Variants in RHOQ observed in about 807,000 individuals in gnomAD.
RHOQ encodes rho-related GTP-binding protein RhoQ.
Under a neutral mutation model 25.8 loss-of-function variants are expected in RHOQ, and 7 were observed. The observed-to-expected ratio is 0.27, with a 90% CI of 0.15 to 0.51. RHOQ has a LOEUF of 0.51. Among genes scored for constraint, RHOQ ranks in the 20% least tolerant of loss-of-function variants. The pLI is 0.97. For missense variants in RHOQ, 165 were observed against 260.6 expected (o/e 0.63, Z 2.53); for synonymous variants, 97 against 98.6 (o/e 0.98, Z 0.10).
chr2:46,543,658 TG>T, intron 1 of RHOQ, 95 bp from the exon 2 acceptor site: 2 of 1,077,342 alleles, frequency 1.9e-6, no homozygotes, highest in Non-Finnish European at 1.4e-6. Context: ...CGCCTCTAGC[TG>T]GGTTGGGAGA....
chr2:46,573,127 A>G (rs1473564131), intron 2 of RHOQ, among the ~76,000 whole-genome samples: 2 of 151,504 alleles, frequency 1.3e-5, no homozygotes, highest in African/African-American at 4.9e-5. Flanking sequence ...GCAGTGGTAC[A>G]ATCTCTGCTC....
Position 46,552,977 on chromosome 2 carries a change from C to T in RHOQ, c.201+9165C>T, listed in dbSNP as rs116261561. ...AAAGTGATCAGTTTGGATTCTTACA[C>T]GTACTAGATGCTCAGCGAGGCCTTG... is the stretch of plus-strand genomic sequence containing the variant. On this transcript the variant is annotated intron_variant, in intron 2 of 4. Transcript: ENST00000238738. The surrounding 1 kb of genome is among the most constrained non-coding windows in gnomAD (Gnocchi z 5.0). 9.9e-4 allele frequency among the ~76,000 whole-genome samples: 151 copies of T among 152,334 alleles called. No homozygotes were observed. Among genetic ancestry groups the T allele is most frequent in the African/African-American group, 3.4e-3 (142 of 41,564 alleles).
At position 46,583,669 on chromosome 2, in the gene RHOQ, C is replaced by A. The variant is rs1419969650; in HGVS notation, c.*2586C>A. 6.6e-6 allele frequency among the ~76,000 whole-genome samples: 1 copy of A among 152,128 alleles called. No individual in the cohort carries two copies. On this transcript the variant is annotated 3_prime_UTR_variant, in exon 5 of 5. Coordinates refer to ENST00000238738, the MANE Select transcript of RHOQ (RefSeq NM_012249.4). ...TGATAAGCAGACTAGAGAAAAACTG[C>A]CTTATTTTCAGAAGCATGTCTTCAT...
chr2:46,553,923 C>T (rs2103992225), intron 2 of RHOQ, among the ~76,000 whole-genome samples: 1 of 151,872 alleles, frequency 6.6e-6, no homozygotes, highest in South Asian at 2.1e-4. Flanking sequence ...TCCCGCCAAA[C>T]CCCCAACTAC....
rs1330327152 is a variant in RHOQ, at chr2:46,582,004, C to G, written c.*921C>G. Reference sequence around the variant, plus strand: ...TGTATGCTGACCAAACCACAAGAAACTTTCTTTAAGTTGTGTTAAAGAGGA... The same window carrying G: ...TGTATGCTGACCAAACCACAAGAAAGTTTCTTTAAGTTGTGTTAAAGAGGA... On this transcript the variant is annotated 3_prime_UTR_variant, in exon 5 of 5. Transcript: ENST00000238738. 6.4e-6 allele frequency: 1 copy of G among 157,362 alleles called. No homozygotes were observed. Among genetic ancestry groups the G allele is most frequent in the Admixed American group, 6.3e-5 (1 of 15,956 alleles). The allele number at this position is 157,362 out of a possible 1,614,324, so 9.7% of individuals were successfully genotyped here.
In RHOQ at chr2:46,566,925, C is replaced by T. The variant is rs2104012098; in HGVS notation, c.202-9162C>T. On this transcript the variant is annotated intron_variant, in intron 2 of 4. Coordinates refer to ENST00000238738, the MANE Select transcript of RHOQ (RefSeq NM_012249.4). This position sits in a 1 kb window ranked among gnomAD's most constrained non-coding sequence, Gnocchi z 4.2. ...AACCTGGCTCTTTTCCTTCATAGCA[C>T]CTGTCCCAATTTGCATTTATAGTCA... 6.6e-6 allele frequency among the ~76,000 whole-genome samples: 1 copy of T among 152,298 alleles called. No individual in the cohort carries two copies. The highest frequency in any genetic ancestry group is 2.1e-4 in the South Asian group (1 of 4,830).
chr2:46,544,069 C>T (rs1053133582), intron 2 of RHOQ, among the ~76,000 whole-genome samples: 2 of 152,174 alleles, frequency 1.3e-5, no homozygotes, highest in African/African-American at 4.8e-5. Context: ...TGTGTGGCGC[C>T]TGGTGTGTGG....
At position 46,543,655 on chromosome 2, in the gene RHOQ, A is replaced by T; in HGVS notation, c.143-99A>T. ...TCGCGGGGAGCGCCCCCACGCCTCT[A>T]GCTGGGTTGGGAGAGGAGGGTCCGG... On this transcript the variant is annotated intron_variant, in intron 1 of 4. Transcript: ENST00000238738. 3 of 1,043,176 alleles carry T rather than the reference A, an allele frequency of 2.9e-6. No individual in the cohort carries two copies. In the South Asian group the frequency reaches 4.1e-5, roughly 14 times the overall value. 64.6% of individuals were successfully genotyped at this position (1,043,176 alleles called of 1,614,324 possible).
chr2:46,581,014 A>G lies in RHOQ; in HGVS notation c.549A>G (p.Leu183=), dbSNP rs758830720. The change falls in exon 5 of 5, where the codon TTA becomes TTG. Residue 183 remains leucine (L), a synonymous_variant. Coordinates refer to ENST00000238738, the MANE Select transcript of RHOQ (RefSeq NM_012249.4). ...TTGATGAGGCTATCATAGCCATTTT[A>G]ACTCCAAAGAAACACACTGTAAAAA... ...TVFDEAIIAI[L]TPKKHTVKKR... The G allele has an allele frequency of 1.9e-6, 3 of 1,591,554 alleles. No individual in the cohort carries two copies. Among genetic ancestry groups the G allele is most frequent in the South Asian group, 2.3e-5 (2 of 87,568 alleles).
chr2:46,576,422 A>G lies in RHOQ; in HGVS notation c.367-139A>G, dbSNP rs1669130646. 1 of 894,798 alleles carries G rather than the reference A, an allele frequency of 1.1e-6. No individual in the cohort carries two copies. 55.4% of individuals were successfully genotyped at this position (894,798 alleles called of 1,614,324 possible). On this transcript the variant is annotated intron_variant, in intron 3 of 4. Transcript: ENST00000238738. The surrounding 1 kb of genome is among the most constrained non-coding windows in gnomAD (Gnocchi z 5.1). Reference sequence around the variant, plus strand: ...GAAAAAATTGTGCCAAAAGAAAGCAATTATTTTCCTGGTTTTTAAAAATTA... The same window carrying G: ...GAAAAAATTGTGCCAAAAGAAAGCAGTTATTTTCCTGGTTTTTAAAAATTA...
chr2:46,543,825 G>A lies in RHOQ; in HGVS notation c.201+13G>A. On this transcript the variant is annotated intron_variant, in intron 2 of 4. Transcript: ENST00000238738. Reference sequence around the variant, plus strand: ...CACGGCCGGACAGGTGAGTGTCTTGGCCTCTGGCCGACGCCCCCCTCCTGT... The same window carrying A: ...CACGGCCGGACAGGTGAGTGTCTTGACCTCTGGCCGACGCCCCCCTCCTGT... The A allele has an allele frequency of 6.2e-7, 1 of 1,611,206 alleles. No individual in the cohort carries two copies. The highest frequency in any genetic ancestry group is 1.1e-5 in the South Asian group (1 of 90,560).
intron 2 of RHOQ, among the ~76,000 whole-genome samples, chr2:46,563,654 T>G (rs1041196076): frequency 1.3e-5 from 2 of 152,154 alleles, no homozygotes; most frequent in African/African-American, 4.8e-5. Flanking sequence ...ACTCTTGGCC[T>G]CCAGGGACTT....
chr2:46,581,770 T>C lies in RHOQ; in HGVS notation c.*687T>C, dbSNP rs1669388114. ...CTAAAAATGTACACATTTTAGTTAATGTGCATTAAACTGTAACAAGGCTTC... is the reference window on the plus strand; with the variant it reads ...CTAAAAATGTACACATTTTAGTTAACGTGCATTAAACTGTAACAAGGCTTC... On this transcript the variant is annotated 3_prime_UTR_variant, in exon 5 of 5. Transcript: ENST00000238738. 3.4e-6 allele frequency: 3 copies of C among 872,700 alleles called. No individual in the cohort carries two copies. Among genetic ancestry groups the C allele is most frequent in the Non-Finnish European group, 4.9e-6 (3 of 612,428 alleles). The allele number at this position is 872,700 out of a possible 1,614,324, so 54.1% of individuals were successfully genotyped here.
At chr2:46,565,695 C>G (rs1047570389) in intron 2 of RHOQ, among the ~76,000 whole-genome samples, 15 of 152,226 alleles carry the variant, frequency 9.9e-5, no homozygotes, top group African/African-American at 3.6e-4. Flanking sequence ...GCTACCTGCA[C>G]AATGACTGCA....
At chr2:46,543,289 C>A in intron 1 of RHOQ, 101 bp downstream of exon 1, 1 of 1,349,076 alleles carries the variant, frequency 7.4e-7, no homozygotes, top group Non-Finnish European at 1.0e-6. Flanking sequence ...GCGCACTCCT[C>A]TCCCCTCCCC....
chr2:46,581,412 T>C lies in RHOQ; in HGVS notation c.*329T>C, dbSNP rs1365967445. ...AGCTGTAAATGGAACTGCTTGGCTT[T>C]GACCATACACATTTCTGCCCAGCCC... On this transcript the variant is annotated 3_prime_UTR_variant, in exon 5 of 5. Coordinates refer to ENST00000238738, the MANE Select transcript of RHOQ (RefSeq NM_012249.4). 1.3e-5 allele frequency: 21 copies of C among 1,567,048 alleles called. No individual in the cohort carries two copies. Among genetic ancestry groups the C allele is most frequent in the Non-Finnish European group, 1.8e-5 (21 of 1,155,388 alleles).
rs1668852706 is a variant in RHOQ at position 46,569,751 on chromosome 2, G to C, written c.202-6336G>C. On this transcript the variant is annotated intron_variant, in intron 2 of 4. Transcript: ENST00000238738. The surrounding 1 kb of genome is among the most constrained non-coding windows in gnomAD (Gnocchi z 4.1). ...TAAGAAGCTAAACCTTTAATTTCAA[G>C]AATTCTTTTACTAAGCGCTAATCAG... Among the ~76,000 whole-genome samples, 1 of 152,132 alleles carries C rather than the reference G, an allele frequency of 6.6e-6. No individual in the cohort carries two copies. Among genetic ancestry groups the C allele is most frequent in the Non-Finnish European group, 1.5e-5 (1 of 68,032 alleles).
In RHOQ at chr2:46,576,745, C is replaced by A; in HGVS notation, c.462+89C>A. On this transcript the variant is annotated intron_variant, in intron 4 of 4. Coordinates refer to ENST00000238738, the MANE Select transcript of RHOQ (RefSeq NM_012249.4). This position sits in a 1 kb window ranked among gnomAD's most constrained non-coding sequence, Gnocchi z 5.1. ...AATTTTATTGTGTATTTACTGTGTG[C>A]CAGGTGGAGTGCTTTACATGCATTA... The A allele has an allele frequency of 1.1e-6, 1 of 871,292 alleles. No individual in the cohort carries two copies. The highest frequency in any genetic ancestry group is 1.8e-6 in the Non-Finnish European group (1 of 550,920). The allele number at this position is 871,292 out of a possible 1,614,324, so 54.0% of individuals were successfully genotyped here.
chr2:46,549,613 G>C (rs908488791), intron 2 of RHOQ, among the ~76,000 whole-genome samples: 1 of 152,204 alleles, frequency 6.6e-6, no homozygotes, highest in African/African-American at 2.4e-5. Context: ...ATTCTCAGCT[G>C]TATTTCCTTT....
Sources: allele counts gnomAD v4.1 joint callset (sites outside exome capture counted in the v4.1 genomes callset), GRCh38; gene constraint gnomAD v4.1.1; non-coding constraint Gnocchi (gnomAD v3.1); transcripts MANE v1.5; gene names NCBI Gene and HGNC (gene_info 2026-07-23, HGNC 2026-07-21).